MTR: variants seen among roughly 807,000 people sequenced by gnomAD.
MTR encodes the protein 5-methyltetrahydrofolate-homocysteine methyltransferase.
MTR carries 84 observed loss-of-function variants against 154.8 expected under a neutral mutation model. That is an observed-to-expected ratio of 0.54 (90% CI 0.45 to 0.65). MTR has a LOEUF of 0.65. Among genes scored for constraint, MTR ranks in the 30% least tolerant of loss-of-function variants. MTR has a pLI of 0.00. For missense variants in MTR, 1,275 were observed against 1,570.2 expected (o/e 0.81, Z 3.18); for synonymous variants, 554 against 553.9 (o/e 1.00, Z 0.00).
Position 236,895,409 on chromosome 1 carries a change from T to C in MTR, c.3457T>C (p.Cys1153Arg), listed in dbSNP as rs1408766569. 4 of 1,605,364 alleles carry C rather than the reference T, an allele frequency of 2.5e-6. No homozygotes were observed. Among genetic ancestry groups the C allele is most frequent in the Non-Finnish European group, 2.6e-6 (3 of 1,175,754 alleles). Residue 1153 changes from cysteine (C) to arginine (R), a missense_variant, in exon 31 of 33, where the codon TGT becomes CGT. By Grantham distance (180) the Cys-to-Arg change is radical (BLOSUM62 -3). Transcript: ENST00000366577. ...ERVRRELWAY[C>R]GSEQLDVADL... ...AGTTCGCCGAGAACTGTGGGCCTACTGTGGCAGTGAGCAGCTGGACGTCGC... is the reference window on the plus strand; with the variant it reads ...AGTTCGCCGAGAACTGTGGGCCTACCGTGGCAGTGAGCAGCTGGACGTCGC...
chr1:236,887,336 G>T (rs193273667), intron 27 of MTR, among the ~76,000 whole-genome samples: 43 of 152,280 alleles, frequency 2.8e-4, no homozygotes, highest in Non-Finnish European at 4.1e-4. Flanking sequence ...TCCCAACGTG[G>T]CTCCTGACTC....
Position 236,900,200 on chromosome 1 carries a change from A to G in MTR, c.*2556A>G, listed in dbSNP as rs1429322754. ...CAGGAAAATAGGTGAATAATTAGATATATATATTCATTCTACGGGATATTA... is the reference window on the plus strand; with the variant it reads ...CAGGAAAATAGGTGAATAATTAGATGTATATATTCATTCTACGGGATATTA... On this transcript the variant is annotated 3_prime_UTR_variant, in exon 33 of 33. Transcript: ENST00000366577. 1.5e-5 allele frequency: 6 copies of G among 403,536 alleles called. No homozygotes were observed. The highest frequency in any genetic ancestry group is 3.7e-5 in the South Asian group (2 of 54,144). 25.0% of individuals were successfully genotyped at this position (403,536 alleles called of 1,614,324 possible). A position where few individuals can be genotyped will look rare whatever the true frequency, so the allele number is the denominator to read the frequency against.
intron 24 of MTR, among the ~76,000 whole-genome samples, chr1:236,879,092 A>T (rs1309974389): frequency 6.6e-6 from 1 of 152,248 alleles, no homozygotes; most frequent in African/African-American, 2.4e-5. Context: ...AAACACACTC[A>T]TGCATATATT....
At chr1:236,830,254 C>T (rs1051347962) in intron 12 of MTR, among the ~76,000 whole-genome samples, 1 of 151,870 alleles carries the variant, frequency 6.6e-6, no homozygotes, top group African/African-American at 2.4e-5. Context: ...GTTTATGATA[C>T]TCCCTCTCTG....
At chr1:236,808,138 A>G (rs1661090113) in intron 3 of MTR, among the ~76,000 whole-genome samples, 2 of 152,216 alleles carry the variant, frequency 1.3e-5, no homozygotes, top group African/African-American at 4.8e-5. Flanking sequence ...TCCTTAAATC[A>G]TAGGCAACAC....
At chr1:236,830,470 G>A (rs1662547493) in intron 12 of MTR, among the ~76,000 whole-genome samples, 1 of 152,092 alleles carries the variant, frequency 6.6e-6, no homozygotes, top group Non-Finnish European at 1.5e-5. Flanking sequence ...TTTGAATGTC[G>A]TACGCTATTG....
Position 236,824,116 on chromosome 1 carries a change from T to C in MTR, c.765-3T>C. On this transcript the variant is annotated splice_region_variant and splice_polypyrimidine_tract_variant and intron_variant, in intron 8 of 32. Transcript: ENST00000366577. ...TTTTAATATGTTTTTTCTGTTTTTC[T>C]AGCATTGGATTAAATTGTGCTTTGG... is the stretch of plus-strand genomic sequence containing the variant. The C allele has an allele frequency of 6.2e-7, 1 of 1,612,316 alleles. No homozygotes were observed. The highest frequency in any genetic ancestry group is 8.5e-7 in the Non-Finnish European group (1 of 1,178,350).
At chr1:236,887,322 C>T (rs111811236) in intron 27 of MTR, among the ~76,000 whole-genome samples, 70 of 152,280 alleles carry the variant, frequency 4.6e-4, no homozygotes, top group African/African-American at 1.6e-3. Flanking sequence ...GCTCGGGGTT[C>T]TCATCCCAAC....
At chr1:236,880,493 G>A (rs1017624544) in intron 24 of MTR, among the ~76,000 whole-genome samples, 13 of 152,196 alleles carry the variant, frequency 8.5e-5, no homozygotes, top group Admixed American at 7.9e-4. Context: ...GTCATGCACG[G>A]GCTCAGTCCC....
In MTR at chr1:236,892,509, G is replaced by A. The variant is rs184174036; in HGVS notation, c.3204+1180G>A. Among the ~76,000 whole-genome samples, 343 of 152,160 alleles carry A rather than the reference G, an allele frequency of 2.3e-3. 1 individual carries two copies. The highest frequency in any genetic ancestry group is 3.8e-3 in the Non-Finnish European group (261 of 67,992). On this transcript the variant is annotated intron_variant, in intron 29 of 32. Transcript: ENST00000366577. Reference sequence around the variant, plus strand: ...AAAAACAAACAAAAAAGATAGTGGCGCATTTTAATCCCAACCACAATATAA... The same window carrying A: ...AAAAACAAACAAAAAAGATAGTGGCACATTTTAATCCCAACCACAATATAA...
At chr1:236,825,315 A>G (rs1429273732) in intron 9 of MTR, 23 bp from the exon 10 acceptor site, 1 of 1,592,694 alleles carries the variant, frequency 6.3e-7, no homozygotes, top group Non-Finnish European at 8.6e-7. Context: ...ATTTGCAATA[A>G]TGGTTGAATT....
At chr1:236,878,221 C>A (rs1042643337) in intron 24 of MTR, among the ~76,000 whole-genome samples, 1 of 152,032 alleles carries the variant, frequency 6.6e-6, no homozygotes, top group East Asian at 1.9e-4. Flanking sequence ...ATGGTTAATG[C>A]CTTTTGCATC....
intron 11 of MTR, 63 bp from the exon 12 acceptor site, chr1:236,829,126 T>A: frequency 7.8e-7 from 1 of 1,278,600 alleles, no homozygotes; most frequent in Non-Finnish European, 1.1e-6. Flanking sequence ...AGTTTTGAAA[T>A]TAGTTTCATT....
chr1:236,876,375 A>G (rs981394580), intron 24 of MTR, among the ~76,000 whole-genome samples: 5 of 152,314 alleles, frequency 3.3e-5, no homozygotes, highest in African/African-American at 1.2e-4. Flanking sequence ...AATGTGGCAG[A>G]CTTGGTCTCA....
intron 18 of MTR, among the ~76,000 whole-genome samples, chr1:236,858,290 A>G (rs1351042325): frequency 6.6e-6 from 1 of 152,208 alleles, no homozygotes; most frequent in African/African-American, 2.4e-5. Flanking sequence ...TTGTGCAGGG[A>G]AACCCCTTTA....
At chr1:236,863,642 G>A (rs1019463815) in intron 22 of MTR, 88 bp downstream of exon 22, 46 of 1,161,592 alleles carry the variant, frequency 4.0e-5, no homozygotes, top group Non-Finnish European at 5.5e-5. Context: ...GGTGGGAAGA[G>A]TAGGGCATGG....
chr1:236,894,776 T>C, intron 30 of MTR: 2 of 586,244 alleles, frequency 3.4e-6, no homozygotes, highest in Non-Finnish European at 6.0e-6. Context: ...AAACCTTGAA[T>C]GGTGCCACAG....
At chr1:236,826,982 A>G in intron 11 of MTR, 86 bp downstream of exon 11, 1 of 1,237,584 alleles carries the variant, frequency 8.1e-7, no homozygotes, top group Non-Finnish European at 1.2e-6. Context: ...TATGGGCTGA[A>G]TTGTGTCCTT....
chr1:236,829,623 A>G (rs561018784), intron 12 of MTR, among the ~76,000 whole-genome samples: 1 of 152,322 alleles, frequency 6.6e-6, no homozygotes, highest in South Asian at 2.1e-4. Context: ...GAAAATTCCA[A>G]ACTGCCAAGG....
Sources: gnomAD v4.1 joint callset for allele counts (sites outside exome capture counted in the v4.1 genomes callset) on GRCh38, gnomAD v4.1.1 for gene constraint, MANE v1.5 for transcripts, NCBI Gene and HGNC (gene_info 2026-07-23, HGNC 2026-07-21) for gene names.